Variants in PVALB observed in about 807,000 individuals in gnomAD.
PVALB encodes the protein parvalbumin.
Under a neutral mutation model 10.9 loss-of-function variants are expected in PVALB, and 11 were observed. That is an observed-to-expected ratio of 1.01 (90% CI 0.63 to 1.67). The LOEUF (loss-of-function observed/expected upper bound fraction) is 1.67, where lower values mean the gene tolerates loss of function less well. Ranked by LOEUF, PVALB falls within the 40% of genes most tolerant of loss-of-function variation. The pLI, the probability that PVALB is intolerant of heterozygous loss-of-function variation, is 0.00. For synonymous variants in PVALB, 57 were observed against 50.7 expected (o/e 1.12, Z -0.53); for missense variants, 131 against 136.2 (o/e 0.96, Z 0.19).
intron 3 of PVALB, chr22:36,811,467 A>AT: frequency 2.1e-6 from 1 of 469,700 alleles, no homozygotes; most frequent in South Asian, 1.6e-5. Flanking sequence ...GGCCTGAATT[A>AT]TTTTTACCTC....
chr22:36,810,356 A>C (rs1230728023), intron 3 of PVALB, among the ~76,000 whole-genome samples: 2 of 152,182 alleles, frequency 1.3e-5, no homozygotes, highest in Non-Finnish European at 2.9e-5. Context: ...CCTGGGCCCC[A>C]AAAAGGCTCT....
intron 1 of PVALB, chr22:36,816,405 CT>C (rs1482318390): frequency 6.5e-6 from 1 of 152,744 alleles, no homozygotes; most frequent in Non-Finnish European, 1.5e-5. Flanking sequence ...TTAGGCAGAG[CT>C]GTGCGCCGGC....
At chr22:36,809,384 G>A (rs1939011627) in intron 3 of PVALB, among the ~76,000 whole-genome samples, 1 of 152,176 alleles carries the variant, frequency 6.6e-6, no homozygotes, top group South Asian at 2.1e-4. Context: ...TGACATCTTA[G>A]TGGAGGAGAA....
chr22:36,817,165 G>A (rs1410880999), upstream of PVALB: 5 of 598,504 alleles, frequency 8.4e-6, no homozygotes, highest in African/African-American at 7.9e-5. Flanking sequence ...CGCAGCGGGA[G>A]CGGCTCAGTC....
intron 3 of PVALB, among the ~76,000 whole-genome samples, chr22:36,810,415 C>G (rs980718013): frequency 6.6e-6 from 1 of 152,178 alleles, no homozygotes; most frequent in Admixed American, 6.5e-5. Context: ...ACCCTTCCTG[C>G]GTTAGGGGGT....
At chr22:36,812,044 C>G (rs1263345507) in intron 3 of PVALB, among the ~76,000 whole-genome samples, 1 of 152,174 alleles carries the variant, frequency 6.6e-6, no homozygotes, top group Non-Finnish European at 1.5e-5. Flanking sequence ...AAAAAAAACC[C>G]TCTAACTCAT....
chr22:36,809,312 C>G (rs1188146792), intron 3 of PVALB, among the ~76,000 whole-genome samples: 1 of 152,210 alleles, frequency 6.6e-6, no homozygotes, highest in Non-Finnish European at 1.5e-5. Context: ...CACTATGGGC[C>G]AGGCCCTATT....
chr22:36,802,666 G>T (rs1051400038), intron 3 of PVALB, among the ~76,000 whole-genome samples: 43 of 151,112 alleles, frequency 2.8e-4, no homozygotes, highest in Non-Finnish European at 5.9e-4. Flanking sequence ...TAGATGAAGG[G>T]ACACGTACCT....
At chr22:36,813,843 A>G in intron 2 of PVALB, 88 bp from the exon 3 acceptor site, 1 of 1,005,744 alleles carries the variant, frequency 9.9e-7, no homozygotes, top group Admixed American at 1.7e-5. Flanking sequence ...TGGTTTCTGT[A>G]TGGGGAAAGG....
chr22:36,815,241 G>A lies in PVALB; in HGVS notation c.62-6C>T, dbSNP rs776938092. The A allele has an allele frequency of 6.2e-7, 1 of 1,614,008 alleles. No homozygotes were observed. The highest frequency in any genetic ancestry group is 8.5e-7 in the Non-Finnish European group (1 of 1,179,986). On this transcript the variant is annotated splice_region_variant and splice_polypyrimidine_tract_variant and intron_variant, in intron 1 of 3. Coordinates refer to ENST00000417718, the MANE Select transcript of PVALB (RefSeq NM_001315532.2). Reference sequence around the variant, plus strand: ...GTGGTCGAAGGAGTCGGTAGCTGTGGGGGGAAGAGCAGGGTCAAACAAGGA... The same window carrying A: ...GTGGTCGAAGGAGTCGGTAGCTGTGAGGGGAAGAGCAGGGTCAAACAAGGA...
At chr22:36,802,167 A>G (rs746959646) in intron 3 of PVALB, among the ~76,000 whole-genome samples, 1 of 152,202 alleles carries the variant, frequency 6.6e-6, no homozygotes, top group Non-Finnish European at 1.5e-5. Flanking sequence ...AAATATTAAC[A>G]TCGGGGGAGC....
upstream of PVALB, chr22:36,818,763 T>A (rs1255324363): frequency 6.6e-6 from 1 of 152,324 alleles, no homozygotes; most frequent in Non-Finnish European, 1.5e-5. Flanking sequence ...AGTCCGTGAA[T>A]GGTCTAAGGA....
intron 3 of PVALB, among the ~76,000 whole-genome samples, chr22:36,810,102 C>G (rs1044920110): frequency 9.2e-5 from 14 of 152,128 alleles, no homozygotes; most frequent in Admixed American, 2.6e-4. Context: ...CCAGGCTGGT[C>G]TCGAACTCCT....
rs528034892 is a variant in PVALB at position 36,813,724 on chromosome 22, TG to T, written c.225del (p.Arg76GlufsTer11). ...GFILKGFSPD[A>X]RDLSAKETKM... ...TTGGTTTCTTTAGCAGACAGGTCTC[TG>T]GCATCTGGGGAGAAGCCTTTTAGGA... On this transcript the variant is annotated frameshift_variant, in exon 3 of 4. Coordinates refer to ENST00000417718, the MANE Select transcript of PVALB (RefSeq NM_001315532.2). LOFTEE classifies it high-confidence loss of function. 7 of 1,613,992 alleles carry T rather than the reference TG, an allele frequency of 4.3e-6. No homozygotes were observed. In the South Asian group the frequency reaches 6.6e-5, roughly 15 times the overall value.
intron 3 of PVALB, among the ~76,000 whole-genome samples, chr22:36,807,538 C>T (rs1313766793): frequency 6.6e-6 from 1 of 152,190 alleles, no homozygotes; most frequent in Non-Finnish European, 1.5e-5. Flanking sequence ...ATTGAGATTC[C>T]ACCACTTTTA....
At chr22:36,814,945 G>C (rs1040940445) in intron 2 of PVALB, among the ~76,000 whole-genome samples, 158 bp downstream of exon 2, 3 of 152,268 alleles carry the variant, frequency 2.0e-5, no homozygotes, top group East Asian at 1.9e-4. Flanking sequence ...CTTCTCCCCT[G>C]GTGCCCTGGG....
upstream of PVALB, chr22:36,817,097 T>A: frequency 1.6e-6 from 2 of 1,237,958 alleles, no homozygotes; most frequent in Non-Finnish European, 2.2e-6. Context: ...GCTGCAGTGC[T>A]GCGCGCCGGG....
At chr22:36,807,920 G>T (rs182244732) in intron 3 of PVALB, among the ~76,000 whole-genome samples, 1 of 152,158 alleles carries the variant, frequency 6.6e-6, no homozygotes, top group African/African-American at 2.4e-5. Context: ...GGCAAGGGGT[G>T]GGGGGGTTGC....
At chr22:36,818,155 GTGTGACCTTGGGT>G (rs1939178820), upstream of PVALB, among the ~76,000 whole-genome samples, 1 of 152,136 alleles carries the variant, frequency 6.6e-6, no homozygotes, top group African/African-American at 2.4e-5. Flanking sequence ...CTAAGTCCCA[GTGTGACCTTGGGT>G]TGTGACCTTC....
Sources: gnomAD v4.1 joint callset for allele counts (sites outside exome capture counted in the v4.1 genomes callset) on GRCh38, gnomAD v4.1.1 for gene constraint, MANE v1.5 for transcripts, NCBI Gene and HGNC (gene_info 2026-07-23, HGNC 2026-07-21) for gene names.